Variants in RMDN2 observed in about 807,000 individuals in gnomAD.
RMDN2 encodes the protein regulator of microtubule dynamics 2.
Under a neutral mutation model 52.8 loss-of-function variants are expected in RMDN2, and 61 were observed. That is an observed-to-expected ratio of 1.16 (90% CI 0.94 to 1.43). The LOEUF is 1.43. Among genes scored for constraint, RMDN2 ranks in the 40% most tolerant of loss-of-function variants. The probability of loss-of-function intolerance (pLI) is 0.00; values close to 1 mark genes in which losing one functional copy is unlikely to be tolerated. For synonymous variants in RMDN2, 180 were observed against 153.1 expected (o/e 1.18, Z -1.30); for missense variants, 592 against 475.3 (o/e 1.25, Z -2.28).
intron 2 of RMDN2, among the ~76,000 whole-genome samples, chr2:37,936,452 C>T (rs1212187452): frequency 6.6e-6 from 1 of 152,144 alleles, no homozygotes; most frequent in African/African-American, 2.4e-5. Flanking sequence ...AGTTCTAGAT[C>T]CTTGAGGACT....
chr2:37,999,722 A>C (rs1676060841), intron 8 of RMDN2, among the ~76,000 whole-genome samples: 1 of 152,126 alleles, frequency 6.6e-6, no homozygotes, highest in Non-Finnish European at 1.5e-5. Flanking sequence ...ACAACACAGG[A>C]GGCCGTGTTG....
At chr2:38,017,919 GC>G (rs1184186874), downstream of RMDN2, among the ~76,000 whole-genome samples, 2 of 151,930 alleles carry the variant, frequency 1.3e-5, no homozygotes, top group African/African-American at 2.4e-5. Flanking sequence ...CAGTCAAAGG[GC>G]CTTGTTCTCT....
intron 10 of RMDN2, among the ~76,000 whole-genome samples, chr2:38,042,641 T>A (rs1681039935): frequency 6.6e-6 from 1 of 152,198 alleles, no homozygotes; most frequent in Non-Finnish European, 1.5e-5. Flanking sequence ...CATTCAGTGC[T>A]ATAAATTTCC....
At chr2:38,049,434 A>G (rs1681460868) in intron 10 of RMDN2, among the ~76,000 whole-genome samples, 1 of 152,184 alleles carries the variant, frequency 6.6e-6, no homozygotes, top group East Asian at 1.9e-4. Context: ...AATCCCTGCT[A>G]AGAGTGGAAT....
At position 38,017,535 on chromosome 2, in the gene RMDN2, C is replaced by A; in HGVS notation, c.*296C>A. ...TTTCTTTAAATAAAATATTTAAATC[C>A]AATAAAATGAATTCTCATGAATATT... On this transcript the variant is annotated 3_prime_UTR_variant, in exon 11 of 11. Transcript: ENST00000354545. The A allele has an allele frequency of 1.8e-6, 2 of 1,117,130 alleles. No individual in the cohort carries two copies. The highest frequency in any genetic ancestry group is 1.2e-6 in the Non-Finnish European group (1 of 844,714). The allele number at this position is 1,117,130 out of a possible 1,614,324, so 69.2% of individuals were successfully genotyped here. A position where few individuals can be genotyped will look rare whatever the true frequency, so the allele number is the denominator to read the frequency against.
At chr2:37,946,412 A>G (rs188080127) in intron 2 of RMDN2, among the ~76,000 whole-genome samples, 52 of 152,030 alleles carry the variant, frequency 3.4e-4, no homozygotes, top group African/African-American at 1.2e-3. Context: ...TCCCTATGCT[A>G]CCCCTCTCCT....
chr2:38,039,203 A>G (rs1440503041), intron 10 of RMDN2: 1 of 152,068 alleles, frequency 6.6e-6, no homozygotes, highest in Non-Finnish European at 1.5e-5. Flanking sequence ...TAATTTAGTC[A>G]CTTGGGATTG....
chr2:37,997,203 T>C (rs1180441905), intron 7 of RMDN2, among the ~76,000 whole-genome samples: 7 of 152,134 alleles, frequency 4.6e-5, no homozygotes. Context: ...TTCTTTAGAA[T>C]TGTGAAAAAG....
chr2:37,951,721 C>A lies in RMDN2; in HGVS notation c.452+21992C>A, dbSNP rs147729503. 2.2e-5 allele frequency: 35 copies of A among 1,612,620 alleles called. No homozygotes were observed. The African/African-American group carries it at 3.7e-4, about 17-fold the overall frequency. On this transcript the variant is annotated intron_variant, in intron 2 of 10. Transcript: ENST00000354545. ...ATCTTTTCTAAAACTTCAAGTAATA[C>A]TGATGCTAAAAAACATATAACCATC... is the stretch of plus-strand genomic sequence containing the variant.
At chr2:38,028,301 A>G (rs1044187628) in intron 10 of RMDN2, 1 of 152,242 alleles carries the variant, frequency 6.6e-6, no homozygotes, top group East Asian at 1.9e-4. Context: ...GACAAATACT[A>G]CAATTATCAC....
intron 2 of RMDN2, chr2:37,962,977 TC>T (rs1435616819): frequency 2.0e-5 from 3 of 152,912 alleles, no homozygotes; most frequent in African/African-American, 7.2e-5. Context: ...CCCTTGCACT[TC>T]CTGGGTGAGG....
intron 10 of RMDN2, among the ~76,000 whole-genome samples, chr2:38,045,098 T>C (rs537698238): frequency 5.3e-5 from 8 of 152,338 alleles, no homozygotes; most frequent in Non-Finnish European, 1.0e-4. Flanking sequence ...TGTATGTTAA[T>C]TTATTAAAAG....
At chr2:37,997,661 T>A in intron 8 of RMDN2, 147 bp downstream of exon 8, 1 of 614,104 alleles carries the variant, frequency 1.6e-6, no homozygotes, top group Non-Finnish European at 2.9e-6. Flanking sequence ...CCCCTCATAA[T>A]GCAAGTTATT....
intron 10 of RMDN2, among the ~76,000 whole-genome samples, chr2:38,030,976 TA>T (rs978639498): frequency 1.6e-3 from 232 of 142,998 alleles, no homozygotes; most frequent in Middle Eastern, 7.1e-3. Flanking sequence ...GATAGACTTC[TA>T]AAAAAAAAAA....
upstream of RMDN2, among the ~76,000 whole-genome samples, chr2:37,921,053 T>C (rs1476532570): frequency 1.3e-5 from 2 of 152,264 alleles, no homozygotes; most frequent in African/African-American, 4.8e-5. Context: ...ATATCTTAAT[T>C]AGGTATGTAT....
At chr2:37,956,422 A>C (rs1572789758) in intron 2 of RMDN2, among the ~76,000 whole-genome samples, 2 of 151,990 alleles carry the variant, frequency 1.3e-5, no homozygotes, top group South Asian at 2.1e-4. Flanking sequence ...GTATTTATTT[A>C]GTCTCCTTTT....
intron 2 of RMDN2, among the ~76,000 whole-genome samples, chr2:37,956,682 A>G (rs957375652): frequency 2.6e-5 from 4 of 151,098 alleles, no homozygotes; most frequent in African/African-American, 9.7e-5. Flanking sequence ...TATACTTTTA[A>G]GTTCTGGGAT....
chr2:38,023,402 A>G lies in RMDN2; in HGVS notation c.1713+19186A>G, dbSNP rs1363142998. On this transcript the variant is annotated intron_variant, in intron 10 of 10. Transcript: ENST00000234195. Reference sequence around the variant, plus strand: ...GAAGGAAAACAAAGCTAGAAAATGTAAAGAAAAATCTTATATTTGTATTTT... The same window carrying G: ...GAAGGAAAACAAAGCTAGAAAATGTGAAGAAAAATCTTATATTTGTATTTT... 2.6e-5 allele frequency among the ~76,000 whole-genome samples: 4 copies of G among 152,358 alleles called. No individual in the cohort carries two copies. In the East Asian group the frequency reaches 7.7e-4, roughly 29 times the overall value.
At chr2:37,940,547 A>G (rs1352166785) in intron 2 of RMDN2, among the ~76,000 whole-genome samples, 5 of 152,108 alleles carry the variant, frequency 3.3e-5, no homozygotes, top group African/African-American at 1.2e-4. Flanking sequence ...GTCTTTTCAG[A>G]TAGTCCCATG....
Sources: allele counts gnomAD v4.1 joint callset (sites outside exome capture counted in the v4.1 genomes callset), GRCh38; gene constraint gnomAD v4.1.1; transcripts MANE v1.5; gene names NCBI Gene and HGNC (gene_info 2026-07-23, HGNC 2026-07-21).